Variants in XPR1 observed in about 807,000 individuals in gnomAD.
The protein encoded by XPR1 is xenotropic and polytropic retrovirus receptor 1, also known as solute carrier family 53 member 1.
In XPR1, 28 loss-of-function variants were observed where a neutral mutation model predicts 87.5. The ratio of observed to expected loss-of-function variants is 0.32; its 90% CI spans 0.24 to 0.44. The LOEUF (loss-of-function observed/expected upper bound fraction) is 0.44. Among genes scored for constraint, XPR1 ranks in the 20% least tolerant of loss-of-function variants. XPR1 has a pLI of 1.00. For missense variants in XPR1, 559 were observed against 862.3 expected (o/e 0.65, Z 4.41); for synonymous variants, 300 against 306.1 (o/e 0.98, Z 0.21).
intron 2 of XPR1, among the ~76,000 whole-genome samples, chr1:180,704,276 A>ATATATATATATATATATATT (rs1557965447): frequency 7.1e-6 from 1 of 141,352 alleles, no homozygotes; most frequent in South Asian, 2.2e-4. Context: ...ATATATATAT[A>ATATATATATATATATATATT]TTATCAGATT....
intron 11 of XPR1, among the ~76,000 whole-genome samples, chr1:180,860,611 A>G (rs902962690): frequency 1.3e-5 from 2 of 152,156 alleles, no homozygotes; most frequent in Non-Finnish European, 2.9e-5. Context: ...AAAATGCTAT[A>G]TACTAAGTGG....
At chr1:180,778,129 C>T (rs10914101) in intron 2 of XPR1, among the ~76,000 whole-genome samples, 6,539 of 152,010 alleles carry the variant, frequency 0.043, 504 homozygotes, top group African/African-American at 0.15. Context: ...CACAGGTGCA[C>T]GCTACCACAC....
At chr1:180,708,908 T>G (rs1657648651) in intron 2 of XPR1, among the ~76,000 whole-genome samples, 1 of 25,634 alleles carries the variant, frequency 3.9e-5, no homozygotes, top group Non-Finnish European at 1.3e-4. Context: ...TTTTTTTTTT[T>G]TGGGGGGGGG....
intron 11 of XPR1, among the ~76,000 whole-genome samples, chr1:180,851,562 G>C (rs953963962): frequency 6.6e-6 from 1 of 152,146 alleles, no homozygotes; most frequent in Non-Finnish European, 1.5e-5. Context: ...CCATTTTAGT[G>C]CATAGTAATT....
chr1:180,654,769 A>AT (rs1408192971), intron 1 of XPR1, among the ~76,000 whole-genome samples: 29 of 152,296 alleles, frequency 1.9e-4, no homozygotes, highest in Middle Eastern at 3.4e-3. Context: ...GCTGAATATT[A>AT]TTCTACTATA....
chr1:180,720,822 GT>G (rs1190156180), intron 2 of XPR1, among the ~76,000 whole-genome samples: 1 of 152,100 alleles, frequency 6.6e-6, no homozygotes, highest in Non-Finnish European at 1.5e-5. Flanking sequence ...TAAATTTTGT[GT>G]ATGCTTTCTA....
At chr1:180,731,424 T>C (rs1350520025) in intron 2 of XPR1, among the ~76,000 whole-genome samples, 1 of 152,190 alleles carries the variant, frequency 6.6e-6, no homozygotes, top group Non-Finnish European at 1.5e-5. Flanking sequence ...TGTAACAATA[T>C]GTAAGAAAAC....
At chr1:180,838,270 T>C (rs1399812984) in intron 11 of XPR1, among the ~76,000 whole-genome samples, 2 of 152,146 alleles carry the variant, frequency 1.3e-5, no homozygotes, top group Non-Finnish European at 2.9e-5. Context: ...TGGATTATCA[T>C]GAAGGTCATC....
In XPR1 at chr1:180,860,249, T is replaced by TA. The variant is rs1210510755; in HGVS notation, c.1502-3458dup. Among the ~76,000 whole-genome samples, 3 of 152,114 alleles carry TA rather than the reference T, an allele frequency of 2.0e-5. No individual in the cohort carries two copies. The East Asian group carries it at 5.8e-4, about 29-fold the overall frequency. ...AGAAGAGGAGGAACTAAATTTCTCT[T>TA]ACATTGCTGGTGAAAATGCAAAATG... On this transcript the variant is annotated intron_variant, in intron 11 of 14. Transcript: ENST00000367590.
In XPR1 at chr1:180,771,841, T is replaced by G. The variant is rs963964792; in HGVS notation, c.122-15912T>G. 2.2e-4 allele frequency among the ~76,000 whole-genome samples: 33 copies of G among 152,316 alleles called. No individual in the cohort carries two copies. In the South Asian group the frequency reaches 2.3e-3, roughly 11 times the overall value. On this transcript the variant is annotated intron_variant, in intron 2 of 14. Coordinates refer to ENST00000367590, the MANE Select transcript of XPR1 (RefSeq NM_004736.4). ...TCTTATTTTATTGGTAGTATTAACCTTGATTACTTGTTTAAAGTGGTGTCT... is the reference window on the plus strand; with the variant it reads ...TCTTATTTTATTGGTAGTATTAACCGTGATTACTTGTTTAAAGTGGTGTCT...
chr1:180,858,068 T>C (rs1307868755), intron 11 of XPR1, among the ~76,000 whole-genome samples: 1 of 152,008 alleles, frequency 6.6e-6, no homozygotes, highest in Non-Finnish European at 1.5e-5. Context: ...AATACAAAAT[T>C]AGCCGGGCGT....
intron 2 of XPR1, among the ~76,000 whole-genome samples, chr1:180,710,203 GT>G (rs60565276): frequency 2.7e-3 from 381 of 138,650 alleles, no homozygotes; most frequent in South Asian, 9.8e-3. Context: ...GTTTAATTTA[GT>G]TTTTTTTTTT....
intron 12 of XPR1, among the ~76,000 whole-genome samples, chr1:180,873,437 A>C (rs139814307): frequency 7.9e-5 from 12 of 152,266 alleles, no homozygotes; most frequent in South Asian, 2.1e-4. Context: ...GATATTAGCT[A>C]TTAAGTCTAC....
chr1:180,880,801 C>CT (rs1652829223), intron 14 of XPR1, among the ~76,000 whole-genome samples: 1 of 150,792 alleles, frequency 6.6e-6, no homozygotes, highest in Admixed American at 6.7e-5. Context: ...TAAGAATAAA[C>CT]TATTACTATT....
intron 1 of XPR1, among the ~76,000 whole-genome samples, chr1:180,636,333 C>G (rs1212328667): frequency 6.6e-6 from 1 of 152,148 alleles, no homozygotes; most frequent in Non-Finnish European, 1.5e-5. Context: ...TTTTGTAAAT[C>G]AAAGTATAGT....
intron 11 of XPR1, among the ~76,000 whole-genome samples, chr1:180,855,042 A>G (rs992357341): frequency 6.6e-6 from 1 of 152,214 alleles, no homozygotes; most frequent in African/African-American, 2.4e-5. Flanking sequence ...TTAAGCCCCT[A>G]CTATGTCCAG....
At chr1:180,656,378 A>AAAT (rs1655473799) in intron 1 of XPR1, among the ~76,000 whole-genome samples, 1 of 90,754 alleles carries the variant, frequency 1.1e-5, no homozygotes, top group African/African-American at 4.3e-5. Context: ...ATTTATATAT[A>AAAT]ATATTCATGT....
At chr1:180,787,005 C>T (rs954047039) in intron 2 of XPR1, among the ~76,000 whole-genome samples, 3 of 152,130 alleles carry the variant, frequency 2.0e-5, no homozygotes, top group East Asian at 3.9e-4. Flanking sequence ...AAAATCAACT[C>T]GTTTTTCCCA....
intron 2 of XPR1, among the ~76,000 whole-genome samples, chr1:180,696,624 T>G (rs889696971): frequency 2.0e-5 from 3 of 152,190 alleles, no homozygotes; most frequent in Admixed American, 6.5e-5. Context: ...GGCTGTGGGT[T>G]TGTCATATAT....
Sources: allele counts gnomAD v4.1 joint callset (sites outside exome capture counted in the v4.1 genomes callset), GRCh38; gene constraint gnomAD v4.1.1; transcripts MANE v1.5; gene names NCBI Gene and HGNC (gene_info 2026-07-23, HGNC 2026-07-21).